The following NAV3 variants were observed in gnomAD, a reference collection of about 807,000 sequenced individuals.
NAV3 encodes neuron navigator 3, also known as pore membrane and/or filament interacting like protein 1.
Under a neutral mutation model 244.7 loss-of-function variants are expected in NAV3, and 87 were observed. The observed-to-expected ratio is 0.36, with a 90% CI of 0.30 to 0.42. The LOEUF is 0.42. Ranked by LOEUF, NAV3 falls within the 20% of genes least tolerant of loss-of-function variation. The pLI is 1.00. For synonymous variants in NAV3, 1,126 were observed against 1,042.2 expected (o/e 1.08, Z -1.55); for missense variants, 2,663 against 2,893.3 (o/e 0.92, Z 1.83).
In NAV3 at chr12:78,175,415, A is replaced by G. The variant is rs2139651399; in HGVS notation, c.5091A>G (p.Lys1697=). ...ATGATGCCGACTCCAAGAAGAAGAA[A>G]AAGAAAAACTGGGTAAGTTACCATC... ...SGNDADSKKK[K]KKNWVNSRGS... The change falls in exon 25 of 40, where the codon AAA becomes AAG. Residue 1697 remains lysine (K), a synonymous_variant. Coordinates refer to ENST00000397909, the MANE Select transcript of NAV3 (RefSeq NM_001024383.2). The G allele has an allele frequency of 6.2e-7, 1 of 1,610,306 alleles. No homozygotes were observed. The highest frequency in any genetic ancestry group is 8.5e-7 in the Non-Finnish European group (1 of 1,177,880).
chr12:77,916,123 T>C (rs1887117610), intron 1 of NAV3, among the ~76,000 whole-genome samples: 1 of 152,016 alleles, frequency 6.6e-6, no homozygotes, highest in Non-Finnish European at 1.5e-5. Flanking sequence ...GTAAGTAAGC[T>C]ATTTGGATAC....
At chr12:78,098,969 T>C (rs1566129199) in intron 12 of NAV3, among the ~76,000 whole-genome samples, 1 of 150,986 alleles carries the variant, frequency 6.6e-6, no homozygotes, top group East Asian at 1.9e-4. Flanking sequence ...TTTTTTTTTT[T>C]ATAATATTGG....
chr12:77,857,873 A>G (rs2136304465), intron 1 of NAV3, among the ~76,000 whole-genome samples: 1 of 152,126 alleles, frequency 6.6e-6, no homozygotes, highest in South Asian at 2.1e-4. Context: ...TTATGTTTTT[A>G]TGACACAGAG....
At chr12:77,578,056 A>G (rs190289226) in intron 2 of NAV3, among the ~76,000 whole-genome samples, 9 of 152,336 alleles carry the variant, frequency 5.9e-5, no homozygotes, top group Admixed American at 5.9e-4. Context: ...GAATTAAATG[A>G]AACTAAGCCG....
At chr12:77,923,969 A>ATTGAAT (rs1200940164) in intron 1 of NAV3, among the ~76,000 whole-genome samples, 2 of 152,168 alleles carry the variant, frequency 1.3e-5, no homozygotes, top group African/African-American at 4.8e-5. Flanking sequence ...AGGAGTTGTA[A>ATTGAAT]TTGAATTCCT....
intron 1 of NAV3, among the ~76,000 whole-genome samples, chr12:77,909,362 C>T (rs147661042): frequency 9.9e-5 from 15 of 151,886 alleles, no homozygotes; most frequent in African/African-American, 3.6e-4. Flanking sequence ...AACTGTTCCA[C>T]CCTGATCAAG....
intron 1 of NAV3, among the ~76,000 whole-genome samples, chr12:77,924,731 C>T (rs114910730): frequency 0.01 from 1,521 of 151,950 alleles, 24 homozygotes; most frequent in African/African-American, 0.035. Context: ...AGAAAGTAGT[C>T]GATCTAAATA....
intron 3 of NAV3, among the ~76,000 whole-genome samples, chr12:77,959,006 A>T (rs1891625042): frequency 6.6e-6 from 1 of 152,198 alleles, no homozygotes. Flanking sequence ...ATATCACAGG[A>T]ATAACACATG....
chr12:77,740,869 C>T (rs1868315971), intron 2 of NAV3, among the ~76,000 whole-genome samples: 1 of 151,904 alleles, frequency 6.6e-6, no homozygotes, highest in African/African-American at 2.4e-5. Flanking sequence ...GAGGCAAAGA[C>T]AAAGACAGCT....
intron 2 of NAV3, among the ~76,000 whole-genome samples, chr12:77,594,777 G>C (rs1870092229): frequency 6.6e-6 from 1 of 152,134 alleles, no homozygotes; most frequent in African/African-American, 2.4e-5. Context: ...TTTGTAAATA[G>C]CCATTCTTTT....
At position 77,998,297 on chromosome 12, in the gene NAV3, A is replaced by G. The variant is rs113203797; in HGVS notation, c.741-40A>G. 1.7e-4 allele frequency: 247 copies of G among 1,428,336 alleles called. 5 individuals are homozygous for G. The African/African-American group carries it at 2.8e-3, about 16-fold the overall frequency. 88.5% of individuals were successfully genotyped at this position (1,428,336 alleles called of 1,614,324 possible). A position where few individuals can be genotyped will look rare whatever the true frequency, so the allele number is the denominator to read the frequency against. ...CACCTCCTGCTTCTTACCTTTTTGT[A>G]ATGTACAATAATGATGTAATTTTTC... On this transcript the variant is annotated intron_variant, in intron 6 of 39. Coordinates refer to ENST00000397909, the MANE Select transcript of NAV3 (RefSeq NM_001024383.2).
At chr12:78,112,230 C>A (rs953332452) in intron 12 of NAV3, among the ~76,000 whole-genome samples, 4 of 152,166 alleles carry the variant, frequency 2.6e-5, no homozygotes, top group African/African-American at 9.7e-5. Context: ...CATTGCTTGC[C>A]AGAAGATTGT....
At chr12:78,148,659 G>A (rs563286195) in intron 21 of NAV3, among the ~76,000 whole-genome samples, 183 bp from the exon 22 acceptor site, 11 of 152,084 alleles carry the variant, frequency 7.2e-5, no homozygotes, top group Non-Finnish European at 1.5e-4. Flanking sequence ...ATAACACTTT[G>A]CTTTTGAATG....
chr12:77,728,240 G>A (rs1284656179), intron 2 of NAV3, among the ~76,000 whole-genome samples: 1 of 151,894 alleles, frequency 6.6e-6, no homozygotes, highest in African/African-American at 2.4e-5. Flanking sequence ...ATCACAAAAT[G>A]CCTAAGCTTG....
intron 2 of NAV3, among the ~76,000 whole-genome samples, chr12:77,600,045 G>A (rs1225938150): frequency 6.6e-6 from 1 of 151,934 alleles, no homozygotes; most frequent in African/African-American, 2.4e-5. Flanking sequence ...CAACATCACA[G>A]ATTTTCTTCT....
chr12:77,580,215 T>G (rs1271552171), intron 2 of NAV3, among the ~76,000 whole-genome samples: 1 of 121,176 alleles, frequency 8.3e-6, no homozygotes, highest in Non-Finnish European at 1.8e-5. Context: ...GGGGGTAGGG[T>G]GGGAACACAC....
chr12:77,873,831 G>C (rs1313651602), intron 1 of NAV3, among the ~76,000 whole-genome samples: 1 of 145,968 alleles, frequency 6.9e-6, no homozygotes, highest in African/African-American at 2.5e-5. Flanking sequence ...GTTTTTTCAA[G>C]AACAATATGT....
intron 3 of NAV3, among the ~76,000 whole-genome samples, chr12:77,944,259 G>A (rs1246137287): frequency 6.6e-6 from 1 of 152,056 alleles, no homozygotes; most frequent in African/African-American, 2.4e-5. Context: ...GGAAGACTTT[G>A]GAAGATGTTT....
At chr12:77,733,834 ATTTTTTTTT>A (rs56770236) in intron 2 of NAV3, among the ~76,000 whole-genome samples, 11 of 124,192 alleles carry the variant, frequency 8.9e-5, no homozygotes, top group African/African-American at 2.8e-4. Flanking sequence ...CTTGGTTTAG[ATTTTTTTTT>A]TTTTTTTTTT....
Sources: allele counts gnomAD v4.1 joint callset (sites outside exome capture counted in the v4.1 genomes callset), GRCh38; gene constraint gnomAD v4.1.1; transcripts MANE v1.5; gene names NCBI Gene and HGNC (gene_info 2026-07-23, HGNC 2026-07-21).